NDUFB5: variants seen among roughly 807,000 people sequenced by gnomAD.
NDUFB5 encodes the protein NADH dehydrogenase [ubiquinone] 1 beta subcomplex subunit 5, mitochondrial.
Under a neutral mutation model 19.4 loss-of-function variants are expected in NDUFB5, and 19 were observed. The ratio of observed to expected loss-of-function variants is 0.98; its 90% CI spans 0.68 to 1.43. The LOEUF is 1.43. Ranked by LOEUF, NDUFB5 falls within the 40% of genes most tolerant of loss-of-function variation. The pLI is 0.00. For missense variants in NDUFB5, 233 were observed against 236.5 expected (o/e 0.99, Z 0.10); for synonymous variants, 80 against 82.6 (o/e 0.97, Z 0.17).
chr3:179,619,449 T>G (rs1341047719), intron 5 of NDUFB5, among the ~76,000 whole-genome samples: 1 of 150,768 alleles, frequency 6.6e-6, no homozygotes, highest in Non-Finnish European at 1.5e-5. Flanking sequence ...GAACATGCAG[T>G]GTTTGGTTTT....
rs73052522 is a variant in NDUFB5 at position 179,611,071 on chromosome 3, A to C, written c.125-3900A>C. Among the ~76,000 whole-genome samples, 1,426 of 152,222 alleles carry C rather than the reference A, an allele frequency of 9.4e-3. 35 individuals are homozygous for C. The highest frequency in any genetic ancestry group is 0.033 in the African/African-American group (1,368 of 41,526). On this transcript the variant is annotated intron_variant, in intron 1 of 5. Transcript: ENST00000259037. ...GGCAAATAAAGGAAAGTTGGGACCA[A>C]ATTGGGGGAGGGGAGGGACTGACTA...
intron 3 of NDUFB5, 138 bp downstream of exon 3, chr3:179,616,187 C>G (rs2108398866): frequency 1.5e-6 from 1 of 665,164 alleles, no homozygotes; most frequent in African/African-American, 1.8e-5. Flanking sequence ...GGCAGTTTAT[C>G]TTAAAATAAC....
intron 3 of NDUFB5, among the ~76,000 whole-genome samples, chr3:179,616,547 C>CA (rs1045937726): frequency 2.7e-5 from 4 of 149,814 alleles, no homozygotes; most frequent in East Asian, 3.9e-4. Context: ...GTCCCCCCCC[C>CA]AAAAAAAAAC....
intron 5 of NDUFB5, among the ~76,000 whole-genome samples, chr3:179,619,974 C>G (rs1180274399): frequency 6.6e-6 from 1 of 152,174 alleles, no homozygotes; most frequent in Admixed American, 6.5e-5. Context: ...TTTCATGTGT[C>G]TTTTGGCTGC....
rs1162224196 is a variant in NDUFB5, at chr3:179,607,907, A to C, written c.124+2968A>C. On this transcript the variant is annotated intron_variant, in intron 1 of 5. Coordinates refer to ENST00000259037, the MANE Select transcript of NDUFB5 (RefSeq NM_002492.4). The stretch of plus-strand genomic sequence containing the variant: ...ATATGTCAGAATTTCCTTCCTTTTT[A>C]AAGCTGAATTGTCCGTTGTCCATTG... 1.2e-5 allele frequency: 8 copies of C among 668,206 alleles called. No individual in the cohort carries two copies. In the African/African-American group the frequency reaches 1.4e-4, roughly 12 times the overall value. 41.4% of individuals were successfully genotyped at this position (668,206 alleles called of 1,614,324 possible). A position where few individuals can be genotyped will look rare whatever the true frequency, so the allele number is the denominator to read the frequency against.
intron 1 of NDUFB5, 50 bp from the exon 2 acceptor site, chr3:179,614,921 A>G (rs1409726854): frequency 1.6e-6 from 2 of 1,237,982 alleles, no homozygotes; most frequent in Non-Finnish European, 2.3e-6. Context: ...AGAATATAAC[A>G]GTATACCCAT....
intron 1 of NDUFB5, among the ~76,000 whole-genome samples, chr3:179,612,241 C>T (rs537977354): frequency 4.0e-5 from 6 of 151,184 alleles, no homozygotes; most frequent in Middle Eastern, 3.2e-3. Flanking sequence ...CCAGTTACTC[C>T]GCAAGCTGAA....
chr3:179,613,643 C>A (rs1164294965), intron 1 of NDUFB5, among the ~76,000 whole-genome samples: 1 of 152,158 alleles, frequency 6.6e-6, no homozygotes, highest in Non-Finnish European at 1.5e-5. Context: ...GTCAAATTCT[C>A]TTAATCTTGT....
chr3:179,607,930 TTGTA>T (rs1719145952), intron 1 of NDUFB5: 2 of 640,610 alleles, frequency 3.1e-6, no homozygotes, highest in Non-Finnish European at 5.6e-6. Context: ...CCGTTGTCCA[TTGTA>T]TGTATTTACC....
intron 1 of NDUFB5, among the ~76,000 whole-genome samples, chr3:179,612,614 C>G (rs1200560705): frequency 7.3e-5 from 11 of 151,298 alleles, no homozygotes; most frequent in Admixed American, 6.6e-4. Context: ...GTAGCTGGGA[C>G]TACAGGCGCC....
intron 5 of NDUFB5, among the ~76,000 whole-genome samples, chr3:179,621,501 T>G (rs1301912817): frequency 2.0e-5 from 3 of 150,372 alleles, no homozygotes; most frequent in African/African-American, 7.3e-5. Context: ...TTTTTCTTTT[T>G]TTTTTTTTTT....
At position 179,627,399 on chromosome 3, in the gene NDUFB5, C is replaced by A. The variant is rs1368023250; in HGVS notation, c.*3359C>A. On this transcript the variant is annotated 3_prime_UTR_variant, in exon 6 of 6. Coordinates refer to ENST00000259037, the MANE Select transcript of NDUFB5 (RefSeq NM_002492.4). ...TTCCCTAGCTGTGCAGCTGCAAGGT[C>A]ACTAGACAGATAAACTCAAGTCGCA... 1 of 152,198 alleles carries A rather than the reference C, an allele frequency of 6.6e-6. No homozygotes were observed. Among genetic ancestry groups the A allele is most frequent in the Non-Finnish European group, 1.5e-5 (1 of 68,038 alleles). The allele number at this position is 152,198 out of a possible 1,614,324, so 9.4% of individuals were successfully genotyped here. A position where few individuals can be genotyped will look rare whatever the true frequency, so the allele number is the denominator to read the frequency against.
At chr3:179,608,435 C>T (rs1306656550) in intron 1 of NDUFB5, among the ~76,000 whole-genome samples, 1 of 152,066 alleles carries the variant, frequency 6.6e-6, no homozygotes, top group African/African-American at 2.4e-5. Flanking sequence ...TCAGGTGATC[C>T]GCCCGCCTTG....
At chr3:179,606,550 G>A (rs1369480649) in intron 1 of NDUFB5, among the ~76,000 whole-genome samples, 2 of 152,092 alleles carry the variant, frequency 1.3e-5, no homozygotes, top group East Asian at 3.9e-4. Context: ...ATGTTGGCTA[G>A]GCTGGTCTCG....
In NDUFB5 at chr3:179,625,778, A is replaced by G. The variant is rs1323339851; in HGVS notation, c.*1738A>G. 1 of 152,124 alleles carries G rather than the reference A, an allele frequency of 6.6e-6. No individual in the cohort carries two copies. Among genetic ancestry groups the G allele is most frequent in the Non-Finnish European group, 1.5e-5 (1 of 68,030 alleles). 9.4% of individuals were successfully genotyped at this position (152,124 alleles called of 1,614,324 possible). Reference sequence around the variant, plus strand: ...AGACCCATTTTTTAATCTCCCACATATGAGTGAGAACATTCAATATTTGTC... The same window carrying G: ...AGACCCATTTTTTAATCTCCCACATGTGAGTGAGAACATTCAATATTTGTC... On this transcript the variant is annotated 3_prime_UTR_variant, in exon 6 of 6. Coordinates refer to ENST00000259037, the MANE Select transcript of NDUFB5 (RefSeq NM_002492.4).
intron 1 of NDUFB5, among the ~76,000 whole-genome samples, chr3:179,610,801 G>C (rs979579165): frequency 6.6e-6 from 1 of 152,118 alleles, no homozygotes; most frequent in Non-Finnish European, 1.5e-5. Flanking sequence ...TCTCCCCTCA[G>C]CTGCAGGTAA....
rs775342515 is a variant in NDUFB5 at position 179,615,017 on chromosome 3, C to G, written c.171C>G (p.Ile57Met). ...ACCATGGGAAAAGACTATTTGTCAT[C>G]AGACCTTCTAGATTCTATGACAGGC... ...SGDHGKRLFVIRPSRFYDRRF... is the reference protein window; with the variant it reads ...SGDHGKRLFVMRPSRFYDRRF... The change falls in exon 2 of 6, where the codon ATC (isoleucine) becomes ATG (methionine). Residue 57 changes from isoleucine to methionine, a missense_variant. Ile to Met is a conservative substitution (Grantham distance 10). Coordinates refer to ENST00000259037, the MANE Select transcript of NDUFB5 (RefSeq NM_002492.4). The G allele has an allele frequency of 6.2e-7, 1 of 1,609,624 alleles. No homozygotes were observed. Among genetic ancestry groups the G allele is most frequent in the South Asian group, 1.1e-5 (1 of 90,404 alleles).
chr3:179,622,490 A>T (rs1424668392), intron 5 of NDUFB5, among the ~76,000 whole-genome samples: 1 of 152,038 alleles, frequency 6.6e-6, no homozygotes, highest in African/African-American at 2.4e-5. Flanking sequence ...TGCTTATTTT[A>T]TACCTTGCTT....
At chr3:179,614,417 T>A (rs1208608922) in intron 1 of NDUFB5, among the ~76,000 whole-genome samples, 1 of 152,184 alleles carries the variant, frequency 6.6e-6, no homozygotes, top group Non-Finnish European at 1.5e-5. Flanking sequence ...GTCCTTTCCA[T>A]CTATTTTGCA....
Sources: gnomAD v4.1 joint callset for allele counts (sites outside exome capture counted in the v4.1 genomes callset) on GRCh38, gnomAD v4.1.1 for gene constraint, MANE v1.5 for transcripts, NCBI Gene and HGNC (gene_info 2026-07-23, HGNC 2026-07-21) for gene names.